The following LRRC71 variants were observed in gnomAD, a reference collection of about 807,000 sequenced individuals.
LRRC71 encodes the protein leucine-rich repeat-containing protein 71.
A neutral mutation model predicts 66.6 loss-of-function variants in LRRC71; 54 were observed. The ratio of observed to expected loss-of-function variants is 0.81; its 90% CI spans 0.65 to 1.02. LRRC71 has a LOEUF of 1.02. Ranked by LOEUF, LRRC71 falls within the 50% of genes least tolerant of loss-of-function variation. The pLI, the probability that LRRC71 is intolerant of heterozygous loss-of-function variation, is 0.00. For missense variants in LRRC71, 724 were observed against 718.0 expected (o/e 1.01, Z -0.10); for synonymous variants, 323 against 303.9 (o/e 1.06, Z -0.65).
chr1:156,928,363 C>CTCTTCCTCTTCTTCTTCTTCTTCTTCT lies in LRRC71; in HGVS notation c.996+364_996+365insCTCTTCTTCTTCTTCTTCTTCTTCTTC, dbSNP rs1553188852. ...TTCTTCTTTCTTTCTCTTCTTCTTC[C>CTCTTCCTCTTCTTCTTCTTCTTCTTCT]TCTTCTTCTTCTTCTTCTTCTTCTT... On this transcript the variant is annotated intron_variant, in intron 9 of 14. Coordinates refer to ENST00000337428, the MANE Select transcript of LRRC71 (RefSeq NM_144702.3). Among the ~76,000 whole-genome samples, 4 of 98,820 alleles carry CTCTTCCTCTTCTTCTTCTTCTTCTTCT rather than the reference C, an allele frequency of 4.0e-5. No homozygotes were observed. The East Asian group carries it at 1.0e-3, about 26-fold the overall frequency. 64.8% of individuals were successfully genotyped at this position (98,820 alleles called of 152,430 possible). A position where few individuals can be genotyped will look rare whatever the true frequency, so the allele number is the denominator to read the frequency against.
chr1:156,934,358 T>C (rs923929126), downstream of LRRC71, among the ~76,000 whole-genome samples: 4 of 152,162 alleles, frequency 2.6e-5, no homozygotes, highest in Admixed American at 6.5e-5. Flanking sequence ...GTCTTGGTGA[T>C]GTGGCTGCGT....
chr1:156,937,316 G>T, downstream of LRRC71: 1 of 1,613,984 alleles, frequency 6.2e-7, no homozygotes, highest in Non-Finnish European at 8.5e-7. Context: ...GTCCCTGAGG[G>T]CCAGGCTTGG....
chr1:156,938,475 C>T, the LRRC71 span: 1 of 1,613,890 alleles, frequency 6.2e-7, no homozygotes, highest in Non-Finnish European at 8.5e-7. Context: ...TGGCCACTCT[C>T]TGGTAGTGCA....
At chr1:156,939,532 C>T in the LRRC71 span, 42 of 1,607,724 alleles carry the variant, frequency 2.6e-5, no homozygotes, top group Non-Finnish European at 3.4e-5. Context: ...CCACTGGACA[C>T]TCCCATTTAT....
chr1:156,938,713 G>C, the LRRC71 span: 1 of 519,724 alleles, frequency 1.9e-6, no homozygotes, highest in South Asian at 2.9e-5. Flanking sequence ...GAGAGACAGA[G>C]AAGGAAGGTC....
the LRRC71 span, chr1:156,938,568 G>A: frequency 3.2e-6 from 5 of 1,555,250 alleles, no homozygotes; most frequent in Non-Finnish European, 4.4e-6. Flanking sequence ...CAAGGAAAGG[G>A]AAGGGAGAGA....
the LRRC71 span, chr1:156,940,361 C>T: frequency 6.2e-7 from 1 of 1,613,778 alleles, no homozygotes; most frequent in Non-Finnish European, 8.5e-7. Flanking sequence ...CTGCACTGCC[C>T]TCCTGCTCAG....
chr1:156,931,761 G>C (rs703157), intron 12 of LRRC71, among the ~76,000 whole-genome samples, 155 bp from the exon 13 acceptor site: 5,870 of 152,120 alleles, frequency 0.039, 408 homozygotes, highest in African/African-American at 0.14. Context: ...GCTTCTTGAG[G>C]GTATGGGCTT....
rs1306153807 is a variant in LRRC71, at chr1:156,930,523, C to T, written c.1241-6C>T. 1 of 1,557,004 alleles carries T rather than the reference C, an allele frequency of 6.4e-7. No homozygotes were observed. The highest frequency in any genetic ancestry group is 2.4e-5 in the East Asian group (1 of 41,300). On this transcript the variant is annotated splice_polypyrimidine_tract_variant and splice_region_variant and intron_variant, in intron 11 of 14. Transcript: ENST00000337428. Reference sequence around the variant, plus strand: ...CTGTGCATTCTGGCTCCTCTTCTGGCCCCAGAGGTAACCATCCCTGAACAG... The same window carrying T: ...CTGTGCATTCTGGCTCCTCTTCTGGTCCCAGAGGTAACCATCCCTGAACAG...
chr1:156,920,847 C>A lies in LRRC71; in HGVS notation c.44C>A (p.Pro15Gln). 1 of 1,537,406 alleles carries A rather than the reference C, an allele frequency of 6.5e-7. No individual in the cohort carries two copies. The highest frequency in any genetic ancestry group is 8.8e-7 in the Non-Finnish European group (1 of 1,140,428). ...QSAPGASPRAPRPGTQKSSGA... is the reference protein window; with the variant it reads ...QSAPGASPRAQRPGTQKSSGA... The stretch of plus-strand genomic sequence containing the variant: ...GCGCCGGGGGCCTCACCCAGGGCCC[C>A]GCGTCCGGGGACCCAGAAGTCTTCT... The change falls in exon 1 of 15, where the codon CCG becomes CAG. Residue 15 changes from proline (P) to glutamine (Q), a missense_variant. Physicochemically the swap from Pro to Gln is moderately conservative, Grantham distance 76. Coordinates refer to ENST00000337428, the MANE Select transcript of LRRC71 (RefSeq NM_144702.3). The surrounding 1 kb of genome is among the most constrained non-coding windows in gnomAD (Gnocchi z 4.9).
chr1:156,932,226 GGAGTA>G (rs1225572537), intron 13 of LRRC71, 193 bp from the exon 14 acceptor site: 4 of 659,274 alleles, frequency 6.1e-6, no homozygotes, highest in Non-Finnish European at 1.1e-5. Context: ...ACAGGCGATT[GGAGTA>G]ATGAGAGGAG....
At chr1:156,939,613 T>C in the LRRC71 span, 1 of 1,613,492 alleles carries the variant, frequency 6.2e-7, no homozygotes. Context: ...CAGATTCCTG[T>C]CCAGTTCTGG....
Position 156,929,158 on chromosome 1 carries a change from G to A in LRRC71, c.997-122G>A, listed in dbSNP as rs1408209635. ...AATTATTTTAGCATTTAGGCAGGGA[G>A]GTGGGTGGGAGGGTGCTGTCAGCTC... On this transcript the variant is annotated intron_variant, in intron 9 of 14. Coordinates refer to ENST00000337428, the MANE Select transcript of LRRC71 (RefSeq NM_144702.3). 5.2e-6 allele frequency: 6 copies of A among 1,147,616 alleles called. No homozygotes were observed. In the African/African-American group the frequency reaches 7.8e-5, roughly 15 times the overall value. The allele number at this position is 1,147,616 out of a possible 1,614,324, so 71.1% of individuals were successfully genotyped here. A position where few individuals can be genotyped will look rare whatever the true frequency, so the allele number is the denominator to read the frequency against.
At chr1:156,936,847 G>A (rs762825447), downstream of LRRC71, 26 of 1,614,138 alleles carry the variant, frequency 1.6e-5, no homozygotes, top group East Asian at 5.6e-4. Context: ...GTTCATGGCT[G>A]TTCCTGGAGT....
intron 6 of LRRC71, 48 bp downstream of exon 6, chr1:156,927,318 T>A: frequency 6.3e-7 from 1 of 1,598,690 alleles, no homozygotes; most frequent in Non-Finnish European, 8.6e-7. Context: ...GTCTCGAAAT[T>A]CCAAGCCATT....
chr1:156,932,907 T>A lies in LRRC71; in HGVS notation c.1618T>A (p.Leu540Met). 1 of 1,606,256 alleles carries A rather than the reference T, an allele frequency of 6.2e-7. No individual in the cohort carries two copies. Among genetic ancestry groups the A allele is most frequent in the Non-Finnish European group, 8.5e-7 (1 of 1,176,344 alleles). Residue 540 changes from leucine (L) to methionine (M), a missense_variant, in exon 15 of 15, where the codon TTG becomes ATG. By Grantham distance (15) the Leu-to-Met change is conservative. Coordinates refer to ENST00000337428, the MANE Select transcript of LRRC71 (RefSeq NM_144702.3). ...PAYAIIQELMLPRDPIKAKLR... is the reference protein window; with the variant it reads ...PAYAIIQELMMPRDPIKAKLR... ...GTACGCCATAATCCAGGAGCTGATGTTGCCAAGGGATCCCATCAAGGCCAA... is the reference window on the plus strand; with the variant it reads ...GTACGCCATAATCCAGGAGCTGATGATGCCAAGGGATCCCATCAAGGCCAA...
chr1:156,932,725 A>C (rs986122956), intron 14 of LRRC71, 128 bp from the exon 15 acceptor site: 5 of 1,520,734 alleles, frequency 3.3e-6, no homozygotes, highest in Non-Finnish European at 4.5e-6. Flanking sequence ...CAGCAGTATT[A>C]ATCACTCTGC....
chr1:156,931,408 CTGT>C (rs1654348568), intron 12 of LRRC71, among the ~76,000 whole-genome samples: 1 of 152,070 alleles, frequency 6.6e-6, no homozygotes, highest in African/African-American at 2.4e-5. Flanking sequence ...ATCTCTGCCT[CTGT>C]CTTGATCAGG....
chr1:156,930,579 G>A lies in LRRC71; in HGVS notation c.1291G>A (p.Gly431Arg), dbSNP rs190850698. Reference protein sequence around the residue: ...KPSRAKGIKIGSREKRSILLE... With the variant: ...KPSRAKGIKIRSREKRSILLE... ...AAGCAGGGCAAAAGGGATCAAGATC[G>A]GGAGCAGAGAGAAGCGCAGCATCCT... The change falls in exon 12 of 15, where the codon GGG becomes AGG. Residue 431 changes from glycine (G) to arginine (R), a missense_variant. By Grantham distance (125) the Gly-to-Arg change is moderately radical (BLOSUM62 -2). Transcript: ENST00000337428. 17 of 1,569,820 alleles carry A rather than the reference G, an allele frequency of 1.1e-5. No individual in the cohort carries two copies. In the Admixed American group the frequency reaches 1.5e-4, roughly 14 times the overall value.
Sources: gnomAD v4.1 joint callset for allele counts (sites outside exome capture counted in the v4.1 genomes callset) on GRCh38, gnomAD v4.1.1 for gene constraint, Gnocchi (gnomAD v3.1) non-coding constraint, MANE v1.5 for transcripts, NCBI Gene and HGNC (gene_info 2026-07-23, HGNC 2026-07-21) for gene names.